Variants in ASIC2 observed in about 807,000 individuals in gnomAD.
The protein encoded by ASIC2 is acid-sensing ion channel 2.
ASIC2 carries 25 observed loss-of-function variants against 57.3 expected under a neutral mutation model. The observed-to-expected ratio is 0.44, with a 90% CI of 0.32 to 0.61. The LOEUF (loss-of-function observed/expected upper bound fraction) is 0.61, where lower values mean the gene tolerates loss of function less well. Ranked by LOEUF, ASIC2 falls within the 20% of genes least tolerant of loss-of-function variation. The pLI, the probability that ASIC2 is intolerant of heterozygous loss-of-function variation, is 0.06. For synonymous variants in ASIC2, 319 were observed against 307.5 expected (o/e 1.04, Z -0.39); for missense variants, 641 against 738.1 (o/e 0.87, Z 1.52).
chr17:33,629,090 G>A (rs2142025678), intron 1 of ASIC2, among the ~76,000 whole-genome samples: 1 of 152,260 alleles, frequency 6.6e-6, no homozygotes, highest in Non-Finnish European at 1.5e-5. Flanking sequence ...GCCAACATCT[G>A]CCTGAACTAC....
chr17:33,404,205 A>G (rs1022599522), intron 1 of ASIC2, among the ~76,000 whole-genome samples: 4 of 152,190 alleles, frequency 2.6e-5, no homozygotes, highest in Admixed American at 6.5e-5. Flanking sequence ...CTGCAAATTA[A>G]TGAACATGGG....
chr17:33,728,625 G>A (rs996212747), intron 1 of ASIC2, among the ~76,000 whole-genome samples: 14 of 152,104 alleles, frequency 9.2e-5, no homozygotes, highest in African/African-American at 3.4e-4. Flanking sequence ...GATGGGTTCT[G>A]TTTGACAGAG....
At chr17:34,050,569 T>C (rs1351901633) in intron 1 of ASIC2, among the ~76,000 whole-genome samples, 1 of 152,230 alleles carries the variant, frequency 6.6e-6, no homozygotes, top group Non-Finnish European at 1.5e-5. Context: ...TTTATGGATT[T>C]TAATCCTCTA....
intron 1 of ASIC2, among the ~76,000 whole-genome samples, chr17:33,276,271 A>G (rs16968202): frequency 0.03 from 4,557 of 152,300 alleles, 235 homozygotes; most frequent in African/African-American, 0.1. Context: ...AAGCAAAGGA[A>G]TGAATGGCTG....
chr17:33,879,231 T>C (rs1440130349), intron 1 of ASIC2, among the ~76,000 whole-genome samples: 3 of 152,178 alleles, frequency 2.0e-5, no homozygotes, highest in African/African-American at 7.2e-5. Context: ...AACATCATGA[T>C]GACAGGATCA....
At chr17:33,926,526 C>T (rs1316297079) in intron 1 of ASIC2, among the ~76,000 whole-genome samples, 1 of 152,160 alleles carries the variant, frequency 6.6e-6, no homozygotes, top group African/African-American at 2.4e-5. Context: ...AGTTTGTGTA[C>T]ACTGAGCCAT....
intron 1 of ASIC2, among the ~76,000 whole-genome samples, chr17:33,154,930 G>T (rs1475143404): frequency 1.3e-5 from 2 of 152,222 alleles, no homozygotes; most frequent in East Asian, 1.9e-4. Flanking sequence ...TTATTGTGTG[G>T]TGTATTTGCA....
intron 1 of ASIC2, among the ~76,000 whole-genome samples, chr17:34,036,285 C>T (rs1467636282): frequency 1.4e-5 from 2 of 147,266 alleles, no homozygotes; most frequent in African/African-American, 2.5e-5. Flanking sequence ...AAAAACCAAA[C>T]ATCGCATGTT....
Position 33,377,261 on chromosome 17 carries a change from G to T in ASIC2, c.556-265194C>A, listed in dbSNP as rs568112758. Reference sequence around the variant, plus strand: ...AGATGGGGTTTCACCATGTTTGCCAGACTAGTCTCAAACTCCTGACCTCAA... The same window carrying T: ...AGATGGGGTTTCACCATGTTTGCCATACTAGTCTCAAACTCCTGACCTCAA... On this transcript the variant is annotated intron_variant, in intron 1 of 9. Transcript: ENST00000359872. Among the ~76,000 whole-genome samples the T allele has an allele frequency of 3.3e-4, 51 of 152,260 alleles. No homozygotes were observed. The South Asian group carries it at 8.7e-3, about 26-fold the overall frequency.
chr17:33,135,569 G>A (rs112321453), intron 1 of ASIC2, among the ~76,000 whole-genome samples: 1 of 152,242 alleles, frequency 6.6e-6, no homozygotes, highest in Non-Finnish European at 1.5e-5. Context: ...TGTATTGAAT[G>A]GAATGAGAGG....
At chr17:33,463,547 C>T (rs1912711902) in intron 1 of ASIC2, among the ~76,000 whole-genome samples, 1 of 152,196 alleles carries the variant, frequency 6.6e-6, no homozygotes, top group African/African-American at 2.4e-5. Flanking sequence ...AATATATCTA[C>T]AGGCAATGGG....
intron 1 of ASIC2, among the ~76,000 whole-genome samples, chr17:33,377,020 C>G (rs2141943063): frequency 6.6e-6 from 1 of 151,964 alleles, no homozygotes; most frequent in Non-Finnish European, 1.5e-5. Context: ...AGCTGGGTTT[C>G]AAATTCAGAT....
chr17:34,114,883 C>A (rs1911382607), intron 1 of ASIC2, among the ~76,000 whole-genome samples: 1 of 152,116 alleles, frequency 6.6e-6, no homozygotes, highest in Non-Finnish European at 1.5e-5. Flanking sequence ...CAGCAGGTGC[C>A]AGGACAATTT....
At chr17:34,029,112 A>G (rs1283623861) in intron 1 of ASIC2, among the ~76,000 whole-genome samples, 1 of 152,180 alleles carries the variant, frequency 6.6e-6, no homozygotes, top group African/African-American at 2.4e-5. Context: ...AATTTAAACT[A>G]TTCCTCGCTA....
upstream of ASIC2, among the ~76,000 whole-genome samples, chr17:33,293,846 G>A (rs534902655): frequency 1.3e-5 from 2 of 152,224 alleles, no homozygotes; most frequent in Admixed American, 1.3e-4. Flanking sequence ...TGAGTCCTGG[G>A]TTTGAAATGC....
intron 1 of ASIC2, among the ~76,000 whole-genome samples, chr17:34,125,500 A>G (rs1911752696): frequency 6.6e-6 from 1 of 152,220 alleles, no homozygotes. Flanking sequence ...TAGGTAGCTC[A>G]TGGAATCTCC....
intron 1 of ASIC2, among the ~76,000 whole-genome samples, chr17:33,478,519 T>TGA (rs1913301900): frequency 6.6e-6 from 1 of 152,248 alleles, no homozygotes; most frequent in African/African-American, 2.4e-5. Context: ...CTAGGTGGCC[T>TGA]GAGAGGTCGC....
intron 1 of ASIC2, among the ~76,000 whole-genome samples, chr17:33,948,435 G>T (rs901714860): frequency 6.6e-6 from 1 of 152,192 alleles, no homozygotes; most frequent in African/African-American, 2.4e-5. Flanking sequence ...ACAATCACGG[G>T]CTCAGAGAGT....
At chr17:33,664,120 T>TA (rs1012316237) in intron 1 of ASIC2, among the ~76,000 whole-genome samples, 3 of 152,218 alleles carry the variant, frequency 2.0e-5, no homozygotes, top group Non-Finnish European at 4.4e-5. Flanking sequence ...TCTGCACACT[T>TA]ACGACGTCAG....
Sources: allele counts gnomAD v4.1 joint callset (sites outside exome capture counted in the v4.1 genomes callset), GRCh38; gene constraint gnomAD v4.1.1; transcripts MANE v1.5; gene names NCBI Gene and HGNC (gene_info 2026-07-23, HGNC 2026-07-21).